The following CHCT1 variants were observed in gnomAD, a reference collection of about 807,000 sequenced individuals.
CHCT1 encodes the protein CHD1 helical C-terminal domain containing 1.
At chr17:60,425,989 G>A in the CHCT1 span, 31 of 1,280,982 alleles carry the variant, frequency 2.4e-5, no homozygotes, top group African/African-American at 3.4e-4. Context: ...TGCCCCACTT[G>A]TCTTACTCTT....
the CHCT1 span, chr17:60,421,617 G>T: frequency 3.5e-5 from 34 of 978,434 alleles, no homozygotes; most frequent in Non-Finnish European, 4.1e-5. Context: ...TCTCGTCGCC[G>T]GGACCCCGCC....
chr17:60,426,197 C>A, the CHCT1 span: 1 of 1,551,756 alleles, frequency 6.4e-7, no homozygotes, highest in Non-Finnish European at 8.7e-7. Flanking sequence ...GAAGTTCCTG[C>A]GAAAGTTGCA....
the CHCT1 span, among the ~76,000 whole-genome samples, chr17:60,427,074 A>G: frequency 6.6e-6 from 1 of 152,210 alleles, no homozygotes; most frequent in African/African-American, 2.4e-5. Context: ...TTTTGCCCAG[A>G]AAAGAATTTA....
the CHCT1 span, chr17:60,426,497 G>T: frequency 4.4e-5 from 46 of 1,039,800 alleles, no homozygotes; most frequent in Non-Finnish European, 6.0e-5. Context: ...GGACAGCCCT[G>T]ACTGCACCTT....
chr17:60,425,797 A>G, the CHCT1 span: 1 of 1,551,270 alleles, frequency 6.4e-7, no homozygotes, highest in African/African-American at 1.4e-5. Flanking sequence ...CAAATGTGTC[A>G]TGCCTGGAGA....
At chr17:60,430,452 A>G in the CHCT1 span, among the ~76,000 whole-genome samples, 1 of 151,904 alleles carries the variant, frequency 6.6e-6, no homozygotes, top group Non-Finnish European at 1.5e-5. Flanking sequence ...TTTCTTTGGC[A>G]CTATGTTAAT....
chr17:60,427,789 T>C, the CHCT1 span, among the ~76,000 whole-genome samples: 1 of 152,130 alleles, frequency 6.6e-6, no homozygotes, highest in Non-Finnish European at 1.5e-5. Flanking sequence ...CAGTATGATA[T>C]GGAAGAGTGC....
At chr17:60,426,675 C>T in the CHCT1 span, 30 of 1,579,806 alleles carry the variant, frequency 1.9e-5, no homozygotes, top group Middle Eastern at 5.1e-4. Flanking sequence ...AGGGAGGAAG[C>T]GCTGTGCTCC....
At chr17:60,425,441 G>T in the CHCT1 span, among the ~76,000 whole-genome samples, 2 of 152,164 alleles carry the variant, frequency 1.3e-5, no homozygotes, top group African/African-American at 2.4e-5. Flanking sequence ...GACTGTGAGT[G>T]TCCAGCAGGC....
At chr17:60,426,826 C>T in the CHCT1 span, 71 of 1,592,186 alleles carry the variant, frequency 4.5e-5, no homozygotes, top group Non-Finnish European at 5.6e-5. Flanking sequence ...TGGTGAGGCG[C>T]AAGACATTCC....
chr17:60,421,538 G>T, the CHCT1 span: 15 of 985,478 alleles, frequency 1.5e-5, no homozygotes, highest in African/African-American at 2.6e-4. Context: ...AGGAAGGTCC[G>T]GGAGAAGGAA....
the CHCT1 span, chr17:60,426,817 G>A: frequency 6.3e-7 from 1 of 1,599,548 alleles, no homozygotes; most frequent in African/African-American, 1.3e-5. Flanking sequence ...CCAAGTTCCT[G>A]GTGAGGCGCA....
At chr17:60,421,611 G>A in the CHCT1 span, 11 of 980,968 alleles carry the variant, frequency 1.1e-5, no homozygotes, top group Non-Finnish European at 1.3e-5. Flanking sequence ...ACGGTCTCTC[G>A]TCGCCGGGAC....
chr17:60,421,215 C>T, the CHCT1 span: 13 of 300,004 alleles, frequency 4.3e-5, no homozygotes, highest in Admixed American at 6.5e-5. Flanking sequence ...ATCTTGGAGG[C>T]GGATAAGTGG....
chr17:60,426,702 G>A, the CHCT1 span: 1 of 1,606,006 alleles, frequency 6.2e-7, no homozygotes, highest in Non-Finnish European at 8.5e-7. Flanking sequence ...CCAGCCTAGG[G>A]TCTCCCCCTT....
chr17:60,428,785 C>A, the CHCT1 span, among the ~76,000 whole-genome samples: 1 of 151,786 alleles, frequency 6.6e-6, no homozygotes, highest in South Asian at 2.1e-4. Flanking sequence ...CCGCACCAGG[C>A]CGAAAAATTT....
At chr17:60,424,144 G>C in the CHCT1 span, among the ~76,000 whole-genome samples, 1 of 152,112 alleles carries the variant, frequency 6.6e-6, no homozygotes, top group Admixed American at 6.5e-5. Context: ...GGGGCAGGGA[G>C]GGCACCAAGC....
the CHCT1 span, chr17:60,422,726 A>G: frequency 2.9e-6 from 4 of 1,385,710 alleles, no homozygotes; most frequent in Non-Finnish European, 3.9e-6. Context: ...AATTCAGGAA[A>G]GAAGAGAAGA....
At chr17:60,429,345 C>T in the CHCT1 span, 7 of 1,608,702 alleles carry the variant, frequency 4.4e-6, no homozygotes, top group African/African-American at 4.0e-5. Flanking sequence ...CTCCTTAACA[C>T]GGAGGCTCCA....
Sources: gnomAD v4.1 joint callset for allele counts (sites outside exome capture counted in the v4.1 genomes callset) on GRCh38, gnomAD v4.1.1 for gene constraint, MANE v1.5 for transcripts, NCBI Gene and HGNC (gene_info 2026-07-23, HGNC 2026-07-21) for gene names.